The following ANO4 variants were observed in gnomAD, a reference collection of about 807,000 sequenced individuals.
The protein encoded by ANO4 is anoctamin 4.
ANO4 carries 69 observed loss-of-function variants against 141.9 expected under a neutral mutation model. The observed-to-expected ratio is 0.49, with a 90% confidence interval of 0.40 to 0.59. ANO4 has a LOEUF of 0.59. Among genes scored for constraint, ANO4 ranks in the 20% least tolerant of loss-of-function variants. The probability of loss-of-function intolerance (pLI) is 0.00; values close to 1 mark genes in which losing one functional copy is unlikely to be tolerated. For synonymous variants in ANO4, 350 were observed against 394.3 expected (o/e 0.89, Z 1.33); for missense variants, 894 against 1,162.2 (o/e 0.77, Z 3.36).
intron 2 of ANO4, among the ~76,000 whole-genome samples, chr12:100,916,617 T>G (rs1298625257): frequency 3.3e-5 from 5 of 152,188 alleles, no homozygotes; most frequent in Non-Finnish European, 5.9e-5. Flanking sequence ...TTTGTCTGCT[T>G]CATACTGTGC....
chr12:100,819,498 A>C (rs1436298106), intron 1 of ANO4, among the ~76,000 whole-genome samples: 1 of 152,022 alleles, frequency 6.6e-6, no homozygotes, highest in Non-Finnish European at 1.5e-5. Flanking sequence ...AGTGGTATAA[A>C]AATGATATTT....
intron 1 of ANO4, among the ~76,000 whole-genome samples, chr12:100,844,833 A>G (rs140757503): frequency 1.2e-4 from 19 of 152,240 alleles, no homozygotes; most frequent in Non-Finnish European, 2.1e-4. Context: ...CATGTTCATA[A>G]TATTAATACT....
chr12:100,843,399 A>G (rs2037386268), intron 1 of ANO4, among the ~76,000 whole-genome samples: 1 of 152,128 alleles, frequency 6.6e-6, no homozygotes, highest in Non-Finnish European at 1.5e-5. Flanking sequence ...AATATTTCTA[A>G]TCTATACTCA....
intron 5 of ANO4, among the ~76,000 whole-genome samples, chr12:100,969,836 A>T (rs1165074330): frequency 1.3e-5 from 2 of 152,214 alleles, no homozygotes; most frequent in Non-Finnish European, 2.9e-5. Context: ...TATGAGAAAG[A>T]TGGGGATAAG....
chr12:100,981,561 G>T (rs1026866007), intron 7 of ANO4, among the ~76,000 whole-genome samples: 1 of 152,100 alleles, frequency 6.6e-6, no homozygotes, highest in Non-Finnish European at 1.5e-5. Flanking sequence ...GCATATCATC[G>T]CTGATAATGT....
rs1459789962 is a variant in ANO4, at chr12:100,939,298, A to G, written c.161-17A>G. On this transcript the variant is annotated splice_polypyrimidine_tract_variant and intron_variant, in intron 3 of 27. Transcript: ENST00000392977. ...CAGATTTTTACCCACCTTATAATGT[A>G]TTTACTTTGGTTCTAGTGGCCAAGG... 5 of 1,608,264 alleles carry G rather than the reference A, an allele frequency of 3.1e-6. No homozygotes were observed. The highest frequency in any genetic ancestry group is 2.2e-5 in the East Asian group (1 of 44,830).
At chr12:101,069,825 G>A (rs528520283) in intron 14 of ANO4, among the ~76,000 whole-genome samples, 21 of 152,098 alleles carry the variant, frequency 1.4e-4, no homozygotes, top group African/African-American at 4.3e-4. Flanking sequence ...AAGTATCTAC[G>A]GGTATATATG....
intron 3 of ANO4, among the ~76,000 whole-genome samples, chr12:100,752,890 T>G (rs1333099891): frequency 1.3e-5 from 2 of 152,204 alleles, no homozygotes; most frequent in African/African-American, 4.8e-5. Flanking sequence ...ATTAAGCATT[T>G]ACTCGTTTAT....
intron 2 of ANO4, among the ~76,000 whole-genome samples, chr12:100,905,335 C>T (rs937475968): frequency 6.6e-6 from 1 of 151,878 alleles, no homozygotes; most frequent in African/African-American, 2.4e-5. Context: ...CTGGGACACT[C>T]CAATAATAAA....
At chr12:101,028,369 C>T (rs2046830298) in intron 9 of ANO4, among the ~76,000 whole-genome samples, 1 of 152,156 alleles carries the variant, frequency 6.6e-6, no homozygotes, top group South Asian at 2.1e-4. Flanking sequence ...AGATGGGTAA[C>T]AAAAAACTCC....
chr12:100,984,967 G>C (rs2044645418), intron 7 of ANO4, among the ~76,000 whole-genome samples: 1 of 151,874 alleles, frequency 6.6e-6, no homozygotes, highest in South Asian at 2.1e-4. Context: ...ACTGTACCCA[G>C]CTGGATTCAA....
chr12:101,014,370 C>T (rs527515327), intron 8 of ANO4, among the ~76,000 whole-genome samples: 7 of 152,254 alleles, frequency 4.6e-5, no homozygotes, highest in East Asian at 3.9e-4. Flanking sequence ...TCCACCACCC[C>T]GGGTGAAAAC....
intron 1 of ANO4, among the ~76,000 whole-genome samples, chr12:100,900,539 A>C (rs560018129): frequency 6.8e-6 from 1 of 146,010 alleles, no homozygotes; most frequent in African/African-American, 2.6e-5. Flanking sequence ...CCTATGAGTG[A>C]GAACATGCAG....
At chr12:100,975,381 C>T (rs1428372763) in intron 7 of ANO4, among the ~76,000 whole-genome samples, 1 of 151,502 alleles carries the variant, frequency 6.6e-6, no homozygotes, top group Admixed American at 6.6e-5. Context: ...AGATGTTCTC[C>T]CTTCCCTTCC....
At chr12:100,940,663 A>C (rs768473335) in intron 4 of ANO4, among the ~76,000 whole-genome samples, 1 of 152,102 alleles carries the variant, frequency 6.6e-6, no homozygotes, top group Non-Finnish European at 1.5e-5. Context: ...TTTTTCGATT[A>C]AGGTTTGTGC....
intron 3 of ANO4, among the ~76,000 whole-genome samples, chr12:100,788,901 G>C (rs1419032956): frequency 6.6e-6 from 1 of 152,000 alleles, no homozygotes; most frequent in African/African-American, 2.4e-5. Context: ...GAAAATGATT[G>C]AGGTGGGGAG....
At chr12:100,929,778 A>G (rs1256455826) in intron 3 of ANO4, among the ~76,000 whole-genome samples, 1 of 152,080 alleles carries the variant, frequency 6.6e-6, no homozygotes, top group South Asian at 2.1e-4. Context: ...AGCAGTTGTT[A>G]TTGCCTGTCT....
intron 5 of ANO4, among the ~76,000 whole-genome samples, chr12:100,959,857 T>C (rs139545722): frequency 2.6e-5 from 4 of 152,302 alleles, no homozygotes; most frequent in African/African-American, 9.6e-5. Context: ...CTGTGACTTT[T>C]GTCCAGTTCC....
intron 1 of ANO4, among the ~76,000 whole-genome samples, chr12:100,868,079 C>T (rs10437889): frequency 0.66 from 99,835 of 152,002 alleles, 33,143 homozygotes; most frequent in Middle Eastern, 0.75. Context: ...TGGTGTACCA[C>T]AGCAATATTT....
Sources: allele counts gnomAD v4.1 joint callset (sites outside exome capture counted in the v4.1 genomes callset), GRCh38; gene constraint gnomAD v4.1.1; transcripts MANE v1.5; gene names NCBI Gene and HGNC (gene_info 2026-07-23, HGNC 2026-07-21).